PLEKHH2: variants seen among roughly 807,000 people sequenced by gnomAD.
PLEKHH2 encodes the protein pleckstrin homology, MyTH4 and FERM domain containing H2, also known as pleckstrin homology domain-containing family H member 2.
Under a neutral mutation model 187.9 loss-of-function variants are expected in PLEKHH2, and 129 were observed. The ratio of observed to expected loss-of-function variants is 0.69; its 90% CI spans 0.59 to 0.79. The LOEUF (loss-of-function observed/expected upper bound fraction) is 0.79. PLEKHH2 is among the 30% of genes least tolerant of loss of function. The pLI, the probability that PLEKHH2 is intolerant of heterozygous loss-of-function variation, is 0.00. For missense variants in PLEKHH2, 2,076 were observed against 1,751.2 expected (o/e 1.19, Z -3.31); for synonymous variants, 686 against 605.6 (o/e 1.13, Z -1.95).
intron 15 of PLEKHH2, among the ~76,000 whole-genome samples, chr2:43,717,054 C>A (rs1377412559): frequency 6.6e-6 from 1 of 152,206 alleles, no homozygotes; most frequent in South Asian, 2.1e-4. Context: ...GGACATGGGG[C>A]CAGGAGGGGA....
chr2:43,704,737 G>T (rs371784248), intron 9 of PLEKHH2, among the ~76,000 whole-genome samples: 7 of 142,550 alleles, frequency 4.9e-5, no homozygotes, highest in East Asian at 2.1e-4. Context: ...AATAAAAAAA[G>T]TTTAGAAAAG....
chr2:43,703,938 TTTTGCTTTA>T, intron 8 of PLEKHH2, 34 bp from the exon 9 acceptor site: 1 of 465,772 alleles, frequency 2.1e-6, no homozygotes, highest in Non-Finnish European at 3.5e-6. Context: ...TTTTTTTTTT[TTTTGCTTTA>T]AATACCCTGT....
chr2:43,643,919 G>A (rs928558238), intron 1 of PLEKHH2, among the ~76,000 whole-genome samples: 10 of 151,996 alleles, frequency 6.6e-5, no homozygotes, highest in Non-Finnish European at 1.3e-4. Flanking sequence ...GCTTCTCCCT[G>A]CAATTAATAT....
Position 43,764,116 on chromosome 2 carries a change from A to G in PLEKHH2, c.4159-112A>G, listed in dbSNP as rs114570121. 1,611 of 595,590 alleles carry G rather than the reference A, an allele frequency of 2.7e-3. 24 individuals carry two copies. In the African/African-American group the frequency reaches 0.029, roughly 11 times the overall value. 36.9% of individuals were successfully genotyped at this position (595,590 alleles called of 1,614,324 possible). On this transcript the variant is annotated intron_variant, in intron 28 of 29. Coordinates refer to ENST00000282406, the MANE Select transcript of PLEKHH2 (RefSeq NM_172069.4). ...TTATTTTAGAAAATAATTTTGTATT[A>G]TACCATAATTGATTAATATCTGCCT...
At chr2:43,702,698 T>A (rs989704016) in intron 8 of PLEKHH2, among the ~76,000 whole-genome samples, 5 of 152,140 alleles carry the variant, frequency 3.3e-5, no homozygotes, top group African/African-American at 1.2e-4. Flanking sequence ...AGAGATGTAT[T>A]CTAATTGCCT....
chr2:43,675,166 T>A (rs987099886), intron 2 of PLEKHH2: 2 of 415,834 alleles, frequency 4.8e-6, no homozygotes, highest in African/African-American at 4.1e-5. Flanking sequence ...TTTAATAGTA[T>A]ATTTTATTTA....
At chr2:43,713,934 A>C (rs1670089293) in intron 15 of PLEKHH2, among the ~76,000 whole-genome samples, 1 of 152,196 alleles carries the variant, frequency 6.6e-6, no homozygotes, top group Non-Finnish European at 1.5e-5. Flanking sequence ...GGTAAAACTT[A>C]ATTCACTATT....
intron 4 of PLEKHH2, among the ~76,000 whole-genome samples, chr2:43,692,936 CAG>C (rs752132801): frequency 6.6e-6 from 1 of 152,118 alleles, no homozygotes; most frequent in Non-Finnish European, 1.5e-5. Context: ...TTATCTGAGA[CAG>C]AGTCTTGCTC....
chr2:43,656,039 A>G (rs546594012), intron 2 of PLEKHH2, among the ~76,000 whole-genome samples: 12 of 151,894 alleles, frequency 7.9e-5, no homozygotes, highest in African/African-American at 2.4e-4. Context: ...GCTCACTGCA[A>G]TCTCCACCTC....
In PLEKHH2 at chr2:43,749,816, C is replaced by T. The variant is rs1367110197; in HGVS notation, c.3654-3803C>T. 2.0e-5 allele frequency among the ~76,000 whole-genome samples: 3 copies of T among 152,170 alleles called. No individual in the cohort carries two copies. The East Asian group carries it at 5.8e-4, about 29-fold the overall frequency. On this transcript the variant is annotated intron_variant, in intron 24 of 29. Transcript: ENST00000282406. ...CTGTCACACAGCCAAGGACCTGATT[C>T]TTCATCTGCCAAGCAGCAGGGTAAC...
rs533971129 is a variant in PLEKHH2, at chr2:43,731,118, T to C, written c.2831-372T>C. Among the ~76,000 whole-genome samples, 3 of 152,256 alleles carry C rather than the reference T, an allele frequency of 2.0e-5. No homozygotes were observed. The South Asian group carries it at 6.2e-4, about 32-fold the overall frequency. ...GGCATAAGAATGACACAATAGACTT[T>C]GGGGACTGAGGGAAAGGGTGGGAAG... On this transcript the variant is annotated intron_variant, in intron 18 of 29. Transcript: ENST00000282406.
At chr2:43,637,605 G>A (rs2104302786) in intron 1 of PLEKHH2, among the ~76,000 whole-genome samples, 1 of 152,320 alleles carries the variant, frequency 6.6e-6, no homozygotes, top group Middle Eastern at 3.4e-3. Context: ...GTCGCCGGGA[G>A]AGGTGGGCAG....
chr2:43,699,878 C>T lies in PLEKHH2; in HGVS notation c.920C>T (p.Ser307Phe), dbSNP rs1433326761. Reference sequence around the variant, plus strand: ...AAGTCCAGATGCACATCCACCCTCTCCAGTCACACATCTGAGGAAGGGGTC... The same window carrying T: ...AAGTCCAGATGCACATCCACCCTCTTCAGTCACACATCTGAGGAAGGGGTC... Reference protein sequence around the residue: ...RSKSRCTSTLSSHTSEEGVQC... With the variant: ...RSKSRCTSTLFSHTSEEGVQC... Residue 307 changes from serine to phenylalanine, a missense_variant, in exon 8 of 30, where the codon TCC becomes TTC. Physicochemically the swap from Ser to Phe is radical, Grantham distance 155. Transcript: ENST00000282406. The T allele has an allele frequency of 1.9e-6, 3 of 1,614,080 alleles. No individual in the cohort carries two copies. Among genetic ancestry groups the T allele is most frequent in the Non-Finnish European group, 2.5e-6 (3 of 1,179,998 alleles).
At chr2:43,679,878 T>C (rs1030436098) in intron 3 of PLEKHH2, among the ~76,000 whole-genome samples, 1 of 152,198 alleles carries the variant, frequency 6.6e-6, no homozygotes, top group Non-Finnish European at 1.5e-5. Flanking sequence ...CACTATGTTG[T>C]CCAGGATGAT....
At chr2:43,744,886 AAG>A (rs1671715655) in intron 23 of PLEKHH2, among the ~76,000 whole-genome samples, 1 of 150,808 alleles carries the variant, frequency 6.6e-6, no homozygotes, top group African/African-American at 2.4e-5. Flanking sequence ...AAAAAAAAAA[AAG>A]AAAAAGAAAA....
rs1302665014 is a variant in PLEKHH2, at chr2:43,743,989, G to A, written c.3555G>A (p.Lys1185=). 1.9e-6 allele frequency: 3 copies of A among 1,612,302 alleles called. No homozygotes were observed. Among genetic ancestry groups the A allele is most frequent in the African/African-American group, 1.3e-5 (1 of 74,904 alleles). The change falls in exon 23 of 30, where the codon AAG becomes AAA. Residue 1185 remains lysine (K), a splice_region_variant and synonymous_variant. Transcript: ENST00000282406. ...AGCATTGTCTTCAAGGAAACATCAA[G>A]GTGAAACCAAGTCCTTTTCAGGAGC... The part of the protein sequence containing the change: ...DLEHCLQGNI[K]ICDIISKWEQ...
chr2:43,705,648 G>A, intron 9 of PLEKHH2, among the ~76,000 whole-genome samples: 1 of 152,188 alleles, frequency 6.6e-6, no homozygotes, highest in Non-Finnish European at 1.5e-5. Context: ...TTGAGAACAA[G>A]TCTTGCTCTG....
chr2:43,728,218 C>T (rs1371675951), intron 17 of PLEKHH2, among the ~76,000 whole-genome samples: 1 of 152,136 alleles, frequency 6.6e-6, no homozygotes, highest in Admixed American at 6.5e-5. Flanking sequence ...GTGTCTCACG[C>T]CTGTAATCCC....
Position 43,767,088 on chromosome 2 carries a change from A to G in PLEKHH2, c.*1490A>G, listed in dbSNP as rs780673941. 1.3e-5 allele frequency: 2 copies of G among 152,764 alleles called. No individual in the cohort carries two copies. Among genetic ancestry groups the G allele is most frequent in the East Asian group, 3.8e-4 (2 of 5,304 alleles). The allele number at this position is 152,764 out of a possible 1,614,324, so 9.5% of individuals were successfully genotyped here. ...AACTGTGATAAGACATGAAAATTAT[A>G]TTATTAAAATGTTCAATTGTAATGG... On this transcript the variant is annotated 3_prime_UTR_variant, in exon 30 of 30. Transcript: ENST00000282406.
Sources: allele counts gnomAD v4.1 joint callset (sites outside exome capture counted in the v4.1 genomes callset), GRCh38; gene constraint gnomAD v4.1.1; transcripts MANE v1.5; gene names NCBI Gene and HGNC (gene_info 2026-07-23, HGNC 2026-07-21).